The following ATP2B4 variants were observed in gnomAD, a reference collection of about 807,000 sequenced individuals.
ATP2B4 encodes the protein ATPase plasma membrane Ca2+ transporting 4, also known as plasma membrane calcium-transporting ATPase 4.
A neutral mutation model predicts 110.3 loss-of-function variants in ATP2B4; 39 were observed. The ratio of observed to expected loss-of-function variants is 0.35; its 90% CI spans 0.27 to 0.46. The LOEUF (loss-of-function observed/expected upper bound fraction) is 0.46. ATP2B4 is among the 20% of genes least tolerant of loss of function. The pLI is 1.00. For missense variants in ATP2B4, 1,135 were observed against 1,530.9 expected (o/e 0.74, Z 4.32); for synonymous variants, 538 against 571.7 (o/e 0.94, Z 0.84).
At chr1:203,667,444 C>G (rs973996638) in intron 1 of ATP2B4, among the ~76,000 whole-genome samples, 1 of 152,244 alleles carries the variant, frequency 6.6e-6, no homozygotes, top group East Asian at 1.9e-4. Context: ...GTGGCCTATA[C>G]TTATTTTTCC....
chr1:203,723,220 G>A (rs1666388602), intron 18 of ATP2B4, among the ~76,000 whole-genome samples: 1 of 150,496 alleles, frequency 6.6e-6, no homozygotes, highest in African/African-American at 2.4e-5. Context: ...CCATCCCTCA[G>A]CAGGGCACCT....
At chr1:203,705,950 T>C (rs1472022538) in intron 8 of ATP2B4, among the ~76,000 whole-genome samples, 2 of 152,194 alleles carry the variant, frequency 1.3e-5, no homozygotes, top group African/African-American at 4.8e-5. Context: ...ATTGATATCA[T>C]CATCTCTAGC....
At chr1:203,724,219 GA>G (rs897655164) in intron 19 of ATP2B4, among the ~76,000 whole-genome samples, 1 of 152,104 alleles carries the variant, frequency 6.6e-6, no homozygotes, top group Non-Finnish European at 1.5e-5. Flanking sequence ...CCTGGAGGTA[GA>G]AAAATCCCTT....
At chr1:203,683,776 C>A (rs916373776) in intron 2 of ATP2B4, among the ~76,000 whole-genome samples, 1 of 147,062 alleles carries the variant, frequency 6.8e-6, no homozygotes, top group African/African-American at 2.5e-5. Context: ...TGGGCTGAAG[C>A]CATCTTCCTA....
At chr1:203,627,811 A>G (rs958511275) in intron 1 of ATP2B4, among the ~76,000 whole-genome samples, 3 of 152,160 alleles carry the variant, frequency 2.0e-5, no homozygotes, top group African/African-American at 7.2e-5. Context: ...AGGAGAGTGC[A>G]CGAATTAAAT....
chr1:203,723,420 A>ATATATATCTC (rs1553251094), intron 18 of ATP2B4, among the ~76,000 whole-genome samples: 1 of 44,538 alleles, frequency 2.2e-5, no homozygotes, highest in African/African-American at 9.5e-5. Flanking sequence ...TGAGACAGAT[A>ATATATATCTC]TCTCTCTCTC....
At chr1:203,701,581 A>G (rs548500337) in intron 6 of ATP2B4, among the ~76,000 whole-genome samples, 17 of 152,354 alleles carry the variant, frequency 1.1e-4, no homozygotes, top group African/African-American at 3.6e-4. Context: ...AGGACAGTTT[A>G]TGAAAAGGAA....
chr1:203,703,658 C>A lies in ATP2B4; in HGVS notation c.944C>A (p.Thr315Asn). The A allele has an allele frequency of 6.2e-7, 1 of 1,613,926 alleles. No individual in the cohort carries two copies. The highest frequency in any genetic ancestry group is 1.7e-4 in the Middle Eastern group (1 of 6,034). ...ATTTGTGTGTACACTCCAGCAAAGA[C>A]CCAAGACGGAGTGGCCCTGGAAATC... ...GVPENRNKAKTQDGVALEIQP... is the reference protein window; with the variant it reads ...GVPENRNKAKNQDGVALEIQP... The change falls in exon 8 of 21, where the codon ACC (threonine) becomes AAC (asparagine). Residue 315 changes from threonine to asparagine, a missense_variant. Thr to Asn is a moderately conservative substitution (Grantham distance 65, BLOSUM62 0). Coordinates refer to ENST00000357681, the MANE Select transcript of ATP2B4 (RefSeq NM_001684.5).
intron 19 of ATP2B4, among the ~76,000 whole-genome samples, chr1:203,726,900 T>C (rs1666539323): frequency 6.6e-6 from 1 of 152,184 alleles, no homozygotes; most frequent in African/African-American, 2.4e-5. Flanking sequence ...CAGAAACTAC[T>C]TTGCATGTGG....
chr1:203,675,607 C>T (rs75290321), intron 1 of ATP2B4, among the ~76,000 whole-genome samples: 3,810 of 152,126 alleles, frequency 0.025, 142 homozygotes, highest in African/African-American at 0.083. Context: ...CCAGGGGCTA[C>T]GAGTGACACG....
chr1:203,655,269 G>C (rs569297480), intron 1 of ATP2B4, among the ~76,000 whole-genome samples: 3 of 152,180 alleles, frequency 2.0e-5, no homozygotes. Flanking sequence ...AGCAGCTGCA[G>C]GGTTTGAGAG....
At chr1:203,691,787 G>A (rs766685259) in intron 2 of ATP2B4, among the ~76,000 whole-genome samples, 2 of 152,222 alleles carry the variant, frequency 1.3e-5, no homozygotes, top group Non-Finnish European at 2.9e-5. Flanking sequence ...TTATTAGCCA[G>A]AGATGGCTAG....
chr1:203,681,453 C>A (rs2102359359), intron 1 of ATP2B4, among the ~76,000 whole-genome samples: 1 of 152,302 alleles, frequency 6.6e-6, no homozygotes, highest in South Asian at 2.1e-4. Context: ...CTCCTTGCCA[C>A]CCCCTGGTAA....
intron 2 of ATP2B4, among the ~76,000 whole-genome samples, chr1:203,689,051 C>G (rs1202216366): frequency 6.6e-6 from 1 of 152,142 alleles, no homozygotes; most frequent in Non-Finnish European, 1.5e-5. Flanking sequence ...CTTTCCCTGT[C>G]CCATTCCCAC....
At chr1:203,689,232 A>T (rs1371786201) in intron 2 of ATP2B4, among the ~76,000 whole-genome samples, 1 of 152,224 alleles carries the variant, frequency 6.6e-6, no homozygotes, top group East Asian at 1.9e-4. Context: ...GGGAAGAAGG[A>T]AGAGGTATTT....
At chr1:203,725,408 G>A (rs546966240) in intron 19 of ATP2B4, among the ~76,000 whole-genome samples, 3 of 151,904 alleles carry the variant, frequency 2.0e-5, no homozygotes, top group Non-Finnish European at 4.4e-5. Flanking sequence ...CATGGCCTCC[G>A]AAAGTGCTAG....
At chr1:203,722,788 A>T in intron 18 of ATP2B4, 99 bp downstream of exon 18, 1 of 1,115,882 alleles carries the variant, frequency 9.0e-7, no homozygotes, top group Non-Finnish European at 1.3e-6. Flanking sequence ...GGAATGAAGG[A>T]ATTACGGGGA....
chr1:203,733,037 G>C (rs905484432), intron 20 of ATP2B4, among the ~76,000 whole-genome samples: 1 of 152,146 alleles, frequency 6.6e-6, no homozygotes, highest in African/African-American at 2.4e-5. Flanking sequence ...TGCAATTAAC[G>C]TTTTTCTCCT....
At chr1:203,666,332 C>T (rs1293685886) in intron 1 of ATP2B4, among the ~76,000 whole-genome samples, 1 of 152,242 alleles carries the variant, frequency 6.6e-6, no homozygotes, top group Non-Finnish European at 1.5e-5. Context: ...TGTTCTCCAT[C>T]TGGCTCCTTT....
Sources: gnomAD v4.1 joint callset for allele counts (sites outside exome capture counted in the v4.1 genomes callset) on GRCh38, gnomAD v4.1.1 for gene constraint, MANE v1.5 for transcripts, NCBI Gene and HGNC (gene_info 2026-07-23, HGNC 2026-07-21) for gene names.